KLHL41: variants seen among roughly 807,000 people sequenced by gnomAD.
The protein encoded by KLHL41 is kelch like family member 41.
KLHL41 carries 31 observed loss-of-function variants against 49.2 expected under a neutral mutation model. The observed-to-expected ratio is 0.63, with a 90% confidence interval of 0.47 to 0.85. The LOEUF is 0.85. KLHL41 is among the 40% of genes least tolerant of loss of function. The pLI, the probability that KLHL41 is intolerant of heterozygous loss-of-function variation, is 0.00. For missense variants in KLHL41, 663 were observed against 726.7 expected (o/e 0.91, Z 1.01); for synonymous variants, 218 against 258.5 (o/e 0.84, Z 1.50).
intron 1 of KLHL41, among the ~76,000 whole-genome samples, chr2:169,512,819 T>C (rs1379170701): frequency 6.6e-6 from 1 of 152,208 alleles, no homozygotes; most frequent in Non-Finnish European, 1.5e-5. Flanking sequence ...CTATTTAAAA[T>C]GCATTAATTT....
chr2:169,524,675 G>A (rs1344909382), intron 5 of KLHL41, among the ~76,000 whole-genome samples: 2 of 152,028 alleles, frequency 1.3e-5, no homozygotes, highest in Non-Finnish European at 2.9e-5. Context: ...TGGGATCACA[G>A]GTGTAAGCCA....
At chr2:169,518,043 T>C in intron 3 of KLHL41, 147 bp from the exon 4 acceptor site, 1 of 588,938 alleles carries the variant, frequency 1.7e-6, no homozygotes. Context: ...GGGCTTGTCC[T>C]TTGTTTAGTG....
chr2:169,516,324 A>G (rs1684113900), intron 3 of KLHL41, among the ~76,000 whole-genome samples: 1 of 152,246 alleles, frequency 6.6e-6, no homozygotes. Flanking sequence ...AGCACAGAAA[A>G]GGCGATTTTA....
At chr2:169,523,684 A>T (rs1286842574) in intron 5 of KLHL41, among the ~76,000 whole-genome samples, 2 of 152,186 alleles carry the variant, frequency 1.3e-5, no homozygotes, top group African/African-American at 4.8e-5. Flanking sequence ...AGCTGGTTCT[A>T]TTGGCAATTA....
intron 1 of KLHL41, among the ~76,000 whole-genome samples, chr2:169,511,260 G>A (rs989324262): frequency 3.3e-5 from 5 of 151,970 alleles, no homozygotes; most frequent in Admixed American, 6.6e-5. Context: ...ATGTTGCCCC[G>A]GCTGGTCTCG....
intron 3 of KLHL41, among the ~76,000 whole-genome samples, chr2:169,517,942 G>C (rs1410019681): frequency 6.6e-6 from 1 of 152,096 alleles, no homozygotes; most frequent in Non-Finnish European, 1.5e-5. Flanking sequence ...ATTAAAATCA[G>C]CTGTGCCTGG....
At position 169,510,025 on chromosome 2, in the gene KLHL41, A is replaced by G. The variant is rs777250281; in HGVS notation, c.247A>G (p.Ile83Val). The G allele has an allele frequency of 1.2e-6, 2 of 1,614,218 alleles. No homozygotes were observed. The highest frequency in any genetic ancestry group is 1.7e-6 in the Non-Finnish European group (2 of 1,180,044). ...EVVLDNVDPA[I>V]LDLIIKYLYS... ...AGTGCTAGACAATGTGGATCCTGCT[A>G]TACTTGATTTAATCATCAAATACCT... The change falls in exon 1 of 6, where the codon ATA becomes GTA. Residue 83 changes from isoleucine to valine, a missense_variant. Ile to Val is a conservative substitution (Grantham distance 29, BLOSUM62 3). Coordinates refer to ENST00000284669, the MANE Select transcript of KLHL41 (RefSeq NM_006063.3). This position sits in a 1 kb window ranked among gnomAD's most constrained non-coding sequence, Gnocchi z 4.2.
rs1300492558 is a variant in KLHL41 at position 169,514,654 on chromosome 2, T to C, written c.1191T>C (p.Asp397=). 1.2e-6 allele frequency: 2 copies of C among 1,613,908 alleles called. No individual in the cohort carries two copies. The highest frequency in any genetic ancestry group is 2.2e-5 in the East Asian group (1 of 44,880). The part of the protein sequence containing the change: ...ARCLFGLGEV[D]DKIYVVAGKD... Reference sequence around the variant, plus strand: ...GTCTCTTCGGTCTGGGAGAGGTGGATGATAAAATCTATGTAGTTGCAGGCA... The same window carrying C: ...GTCTCTTCGGTCTGGGAGAGGTGGACGATAAAATCTATGTAGTTGCAGGCA... Residue 397 remains aspartate, a synonymous_variant, in exon 2 of 6, where the codon GAT becomes GAC. Transcript: ENST00000284669.
At chr2:169,517,238 T>C (rs890128720) in intron 3 of KLHL41, among the ~76,000 whole-genome samples, 17 of 152,270 alleles carry the variant, frequency 1.1e-4, no homozygotes, top group African/African-American at 3.9e-4. Context: ...ACCAAATATA[T>C]CCAGTTAATC....
rs755342152 is a variant in KLHL41, at chr2:169,514,878, A to C, written c.1293A>C (p.Lys431Asn). 1 of 1,609,786 alleles carries C rather than the reference A, an allele frequency of 6.2e-7. No homozygotes were observed. Residue 431 changes from lysine to asparagine, a missense_variant, in exon 3 of 6, where the codon AAA (lysine) becomes AAC (asparagine). Around this residue, in one of 3 missense-constraint regions of KLHL41, gnomAD observed 528 missense variants for 581.0 expected, o/e 0.91. Transcript: ENST00000284669. ...GGGCTGCAAAATGGAACGAAGTAAA[A>C]AAACTCCCTATCAAAGTCTATGGCC... is the stretch of plus-strand genomic sequence containing the variant. ...DPVAAKWNEV[K>N]KLPIKVYGHN...
Position 169,525,924 on chromosome 2 carries a change from AATT to A in KLHL41, c.*232_*234del. The A allele has an allele frequency of 3.0e-6, 1 of 337,150 alleles. No individual in the cohort carries two copies. The highest frequency in any genetic ancestry group is 4.7e-5 in the East Asian group (1 of 21,212). 20.9% of individuals were successfully genotyped at this position (337,150 alleles called of 1,614,324 possible). ...AATAAATTAAATCTTCAGTTGAACA[AATT>A]ATTTTGTGAATCTGTTTCACTCAAT... is the stretch of plus-strand genomic sequence containing the variant. On this transcript the variant is annotated 3_prime_UTR_variant, in exon 6 of 6. Transcript: ENST00000284669.
At chr2:169,519,668 TGAGA>T (rs1684168493) in intron 4 of KLHL41, among the ~76,000 whole-genome samples, 1 of 151,192 alleles carries the variant, frequency 6.6e-6, no homozygotes. Context: ...TTTTTTTTTT[TGAGA>T]CAGGGTCTCA....
chr2:169,518,441 A>G (rs543433092), intron 4 of KLHL41, 66 bp downstream of exon 4: 1 of 1,236,158 alleles, frequency 8.1e-7, no homozygotes, highest in African/African-American at 1.5e-5. Context: ...AACTTTGGAT[A>G]AAAAGTTATC....
At chr2:169,519,648 A>C (rs1684167741) in intron 4 of KLHL41, among the ~76,000 whole-genome samples, 1 of 134,336 alleles carries the variant, frequency 7.4e-6, no homozygotes, top group Non-Finnish European at 1.6e-5. Context: ...AGATTTTCTC[A>C]AACTTTTTTT....
rs1684021916 is a variant in KLHL41, at chr2:169,510,945, C to T, written c.1110+57C>T. The T allele has an allele frequency of 1.4e-6, 2 of 1,411,528 alleles. No homozygotes were observed. 87.4% of individuals were successfully genotyped at this position (1,411,528 alleles called of 1,614,324 possible). A position where few individuals can be genotyped will look rare whatever the true frequency, so the allele number is the denominator to read the frequency against. ...TAAAGGGAAGGCTGTTACTCACCAT[C>T]CAGTTAGCCAATTTGTGAATTATTC... On this transcript the variant is annotated intron_variant, in intron 1 of 5. Coordinates refer to ENST00000284669, the MANE Select transcript of KLHL41 (RefSeq NM_006063.3). This position sits in a 1 kb window ranked among gnomAD's most constrained non-coding sequence, Gnocchi z 4.2.
Position 169,510,822 on chromosome 2 carries a change from T to C in KLHL41, c.1044T>C (p.Tyr348=), listed in dbSNP as rs1317318638. The C allele has an allele frequency of 6.2e-7, 1 of 1,613,944 alleles. No homozygotes were observed. Among genetic ancestry groups the C allele is most frequent in the East Asian group, 2.2e-5 (1 of 44,884 alleles). The change falls in exon 1 of 6, where the codon TAT becomes TAC. Residue 348 remains tyrosine (Y), a synonymous_variant. Coordinates refer to ENST00000284669, the MANE Select transcript of KLHL41 (RefSeq NM_006063.3). The surrounding 1 kb of genome is among the most constrained non-coding windows in gnomAD (Gnocchi z 4.2). ...TTGTTACCCAGCAAAATCAGATATA[T>C]GTGGTAGGAGGACTATATGTGGATG... The part of the protein sequence containing the change: ...SSIVTQQNQI[Y]VVGGLYVDEE...
At chr2:169,515,390 T>C (rs1184547297) in intron 3 of KLHL41, among the ~76,000 whole-genome samples, 1 of 152,152 alleles carries the variant, frequency 6.6e-6, no homozygotes, top group African/African-American at 2.4e-5. Flanking sequence ...TCACCTATCA[T>C]ATTGTGGAGG....
chr2:169,515,070 G>GT (rs1684093148), intron 3 of KLHL41, 109 bp downstream of exon 3: 9 of 648,754 alleles, frequency 1.4e-5, no homozygotes, highest in Middle Eastern at 4.5e-4. Context: ...CTTCACTCTT[G>GT]TTGCCCAGGC....
Position 169,520,976 on chromosome 2 carries a change from T to A in KLHL41, c.1678T>A (p.Phe560Ile), listed in dbSNP as rs983593653. The change falls in exon 5 of 6, where the codon TTT becomes ATT. Residue 560 changes from phenylalanine (F) to isoleucine (I), a missense_variant. Transcript: ENST00000284669. ...TATGATTCAACTGGAGTCTAAAGAA[T>A]TTGCACCCACTGAAGTCAATGACAT... ...FAMIQLESKE[F>I]APTEVNDIWK... 6.2e-7 allele frequency: 1 copy of A among 1,613,918 alleles called. No homozygotes were observed. The highest frequency in any genetic ancestry group is 8.5e-7 in the Non-Finnish European group (1 of 1,179,962).
Sources: gnomAD v4.1 joint callset for allele counts (sites outside exome capture counted in the v4.1 genomes callset) on GRCh38, gnomAD v4.1.1 for gene constraint, gnomAD v4.1.1 regional missense constraint, Gnocchi (gnomAD v3.1) non-coding constraint, MANE v1.5 for transcripts, NCBI Gene and HGNC (gene_info 2026-07-23, HGNC 2026-07-21) for gene names.